PCDH15: variants seen among roughly 807,000 people sequenced by gnomAD.
PCDH15 encodes the protein protocadherin-15.
PCDH15 carries 129 observed loss-of-function variants against 178.5 expected under a neutral mutation model. The ratio of observed to expected loss-of-function variants is 0.72; its 90% CI spans 0.63 to 0.84. PCDH15 has a LOEUF of 0.84. Ranked by LOEUF, PCDH15 falls within the 40% of genes least tolerant of loss-of-function variation. PCDH15 has a pLI of 0.00. For synonymous variants in PCDH15, 800 were observed against 732.0 expected (o/e 1.09, Z -1.50); for missense variants, 2,230 against 2,099.9 (o/e 1.06, Z -1.21).
intron 3 of PCDH15, among the ~76,000 whole-genome samples, chr10:54,502,601 C>A (rs1271240152): frequency 6.6e-6 from 1 of 152,056 alleles, no homozygotes; most frequent in Non-Finnish European, 1.5e-5. Context: ...TCATGCATGA[C>A]ACAGAGTTTA....
At chr10:55,431,608 G>A (rs559491827) in intron 2 of PCDH15, among the ~76,000 whole-genome samples, 1 of 152,256 alleles carries the variant, frequency 6.6e-6, no homozygotes, top group African/African-American at 2.4e-5. Context: ...AGCAATCTAT[G>A]TGGAATGTGC....
At chr10:55,552,158 A>C (rs1842014877) in intron 2 of PCDH15, among the ~76,000 whole-genome samples, 1 of 151,726 alleles carries the variant, frequency 6.6e-6, no homozygotes, top group African/African-American at 2.4e-5. Flanking sequence ...TATCAAATAA[A>C]ATATTGCCTT....
chr10:53,828,470 A>G, intron 31 of PCDH15, 95 bp downstream of exon 31: 1 of 1,033,774 alleles, frequency 9.7e-7, no homozygotes, highest in Non-Finnish European at 1.5e-6. Flanking sequence ...AGGGAATAAG[A>G]TGTGGTTCTG....
intron 1 of PCDH15, among the ~76,000 whole-genome samples, chr10:55,207,969 A>G (rs1268905027): frequency 2.0e-5 from 3 of 152,112 alleles, no homozygotes; most frequent in Admixed American, 2.0e-4. Flanking sequence ...AGTCTATCTC[A>G]AAAAACAAAC....
chr10:53,875,622 A>T (rs1287133016), intron 26 of PCDH15, among the ~76,000 whole-genome samples: 3 of 152,078 alleles, frequency 2.0e-5, no homozygotes, highest in African/African-American at 7.2e-5. Flanking sequence ...AATAAAAAAA[A>T]AAGTTAGTCT....
chr10:54,603,765 T>C (rs559690400), intron 2 of PCDH15, among the ~76,000 whole-genome samples: 1 of 151,896 alleles, frequency 6.6e-6, no homozygotes, highest in Non-Finnish European at 1.5e-5. Flanking sequence ...ACAGAATTGG[T>C]TTAGCCTGTA....
chr10:54,877,278 A>G (rs922514263), intron 3 of PCDH15, among the ~76,000 whole-genome samples: 2 of 152,156 alleles, frequency 1.3e-5, no homozygotes, highest in African/African-American at 4.8e-5. Flanking sequence ...CTTTATTGCA[A>G]TATTGACTTT....
At chr10:54,499,708 C>A (rs1011353551) in intron 3 of PCDH15, among the ~76,000 whole-genome samples, 3 of 151,984 alleles carry the variant, frequency 2.0e-5, no homozygotes, top group African/African-American at 4.8e-5. Context: ...CTACATGCAT[C>A]AATCAATAAG....
intron 2 of PCDH15, among the ~76,000 whole-genome samples, chr10:55,603,002 A>C (rs564619637): frequency 6.6e-6 from 1 of 152,208 alleles, no homozygotes; most frequent in South Asian, 2.1e-4. Flanking sequence ...AAAATTTAGA[A>C]GAATGTATAA....
At chr10:54,400,192 A>G (rs971583328) in intron 3 of PCDH15, among the ~76,000 whole-genome samples, 4 of 152,114 alleles carry the variant, frequency 2.6e-5, no homozygotes, top group Non-Finnish European at 5.9e-5. Context: ...TTGTTGGATT[A>G]GCACATTAGC....
intron 1 of PCDH15, among the ~76,000 whole-genome samples, chr10:54,767,680 T>G (rs1464340880): frequency 2.0e-5 from 3 of 151,912 alleles, no homozygotes; most frequent in African/African-American, 7.3e-5. Context: ...AATAACAAAT[T>G]CCCTCTGTAA....
chr10:54,229,512 C>A (rs895412664), intron 9 of PCDH15, among the ~76,000 whole-genome samples: 1 of 152,070 alleles, frequency 6.6e-6, no homozygotes, highest in Admixed American at 6.6e-5. Flanking sequence ...AATTGTAACT[C>A]CCACAGTTTC....
At chr10:54,723,130 G>C (rs72794555) in intron 1 of PCDH15, among the ~76,000 whole-genome samples, 1 of 151,478 alleles carries the variant, frequency 6.6e-6, no homozygotes, top group Admixed American at 6.6e-5. Flanking sequence ...GAATCACATT[G>C]TGTGATTTCA....
rs1300951884 is a variant in PCDH15, at chr10:54,709,964, A to G, written c.-28-45674T>C. ...ATGTATATATATATTACATATTTAT[A>G]TGTAATATATGTAATAAATATGTAC... On this transcript the variant is annotated intron_variant, in intron 1 of 37. Transcript: ENST00000644397. Among the ~76,000 whole-genome samples the G allele has an allele frequency of 7.3e-5, 11 of 149,754 alleles. No individual in the cohort carries two copies. The South Asian group carries it at 1.0e-3, about 14-fold the overall frequency.
intron 1 of PCDH15, among the ~76,000 whole-genome samples, chr10:54,732,091 GA>G (rs59015288): frequency 0.13 from 18,895 of 148,224 alleles, 1,349 homozygotes; most frequent in African/African-American, 0.18. Context: ...GCAAAAATTG[GA>G]AAAAAAAATT....
At chr10:54,139,717 A>G (rs998781198) in intron 14 of PCDH15, among the ~76,000 whole-genome samples, 2 of 152,200 alleles carry the variant, frequency 1.3e-5, no homozygotes, top group Non-Finnish European at 2.9e-5. Flanking sequence ...GAAGTTATCT[A>G]AAGGCTAATT....
At chr10:54,585,165 G>T (rs1222201078) in intron 2 of PCDH15, among the ~76,000 whole-genome samples, 3 of 86,154 alleles carry the variant, frequency 3.5e-5, no homozygotes, top group Non-Finnish European at 7.5e-5. Context: ...CACAGAAGTT[G>T]GCTGCCCTAA....
chr10:54,076,750 T>C (rs1167778432), intron 17 of PCDH15, among the ~76,000 whole-genome samples: 2 of 152,096 alleles, frequency 1.3e-5, no homozygotes, highest in Non-Finnish European at 2.9e-5. Context: ...AAACTCACAA[T>C]GACCAATAGA....
At chr10:54,217,649 G>A (rs1039462475) in intron 9 of PCDH15, among the ~76,000 whole-genome samples, 1 of 152,106 alleles carries the variant, frequency 6.6e-6, no homozygotes, top group Admixed American at 6.5e-5. Flanking sequence ...GAAACAAAAT[G>A]CATACAACAC....
Sources: allele counts gnomAD v4.1 joint callset (sites outside exome capture counted in the v4.1 genomes callset), GRCh38; gene constraint gnomAD v4.1.1; transcripts MANE v1.5; gene names NCBI Gene and HGNC (gene_info 2026-07-23, HGNC 2026-07-21).